Variants in LVRN observed in about 807,000 individuals in gnomAD.
LVRN encodes the protein laeverin, also known as aminopeptidase Q.
LVRN carries 99 observed loss-of-function variants against 111.4 expected under a neutral mutation model. The ratio of observed to expected loss-of-function variants is 0.89; its 90% CI spans 0.76 to 1.05. LVRN has a LOEUF of 1.05. Among genes scored for constraint, LVRN ranks in the 50% least tolerant of loss-of-function variants. LVRN has a pLI of 0.00. For synonymous variants in LVRN, 488 were observed against 449.5 expected (o/e 1.09, Z -1.08); for missense variants, 1,414 against 1,206.8 (o/e 1.17, Z -2.54).
At chr5:116,004,098 T>C (rs573593870) in intron 12 of LVRN, among the ~76,000 whole-genome samples, 1 of 152,344 alleles carries the variant, frequency 6.6e-6, no homozygotes, top group Non-Finnish European at 1.5e-5. Flanking sequence ...TTAAAATTTC[T>C]AAACTCATAA....
Position 116,001,106 on chromosome 5 carries a change from A to G in LVRN, c.1687A>G (p.Ile563Val). 6.2e-7 allele frequency: 1 copy of G among 1,611,682 alleles called. No individual in the cohort carries two copies. Among genetic ancestry groups the G allele is most frequent in the Non-Finnish European group, 8.5e-7 (1 of 1,179,390 alleles). Residue 563 changes from isoleucine to valine, a missense_variant, in exon 10 of 20, where the codon ATA (isoleucine) becomes GTA (valine). By Grantham distance (29) the Ile-to-Val change is conservative. Transcript: ENST00000357872. ...DQSTVILPAT[I>V]KNIMDSWTHQ... Reference sequence around the variant, plus strand: ...GAGTACAGTTATTTTGCCAGCAACAATAAAAAACATAATGGACAGTTGGAC... The same window carrying G: ...GAGTACAGTTATTTTGCCAGCAACAGTAAAAAACATAATGGACAGTTGGAC...
At chr5:116,011,044 C>CT in intron 14 of LVRN, 150 bp downstream of exon 14, 1 of 173,298 alleles carries the variant, frequency 5.8e-6, no homozygotes, top group Non-Finnish European at 9.9e-6. Flanking sequence ...TATACATTTC[C>CT]TTAACAAGGG....
chr5:115,983,520 A>T, intron 2 of LVRN, 91 bp downstream of exon 2: 1 of 1,373,540 alleles, frequency 7.3e-7, no homozygotes, highest in Non-Finnish European at 9.7e-7. Context: ...GCAGTGTATT[A>T]TGGTGTATTA....
intron 1 of LVRN, among the ~76,000 whole-genome samples, chr5:115,967,178 C>T (rs1244580749): frequency 6.6e-6 from 1 of 152,114 alleles, no homozygotes; most frequent in East Asian, 1.9e-4. Flanking sequence ...TCCAATTTGT[C>T]TATTTTTTAA....
intron 6 of LVRN, among the ~76,000 whole-genome samples, chr5:115,997,213 G>C (rs1382022664): frequency 6.6e-6 from 1 of 152,164 alleles, no homozygotes. Flanking sequence ...GAGTTTCAGA[G>C]AGATAAAGTT....
At chr5:116,003,404 A>C (rs1377574299) in intron 12 of LVRN, 24 bp downstream of exon 12, 2 of 1,298,716 alleles carry the variant, frequency 1.5e-6, no homozygotes, top group Non-Finnish European at 1.0e-6. Context: ...TGATACTTTT[A>C]ATTAAATATA....
rs925038071 is a variant in LVRN at position 115,963,319 on chromosome 5, G to C, written c.695+7G>C. Reference sequence around the variant, plus strand: ...CCGACCAGGGCGAGCGCAGGTAAGGGCTGTACAGCCCGGGGCCCCTCTCGG... The same window carrying C: ...CCGACCAGGGCGAGCGCAGGTAAGGCCTGTACAGCCCGGGGCCCCTCTCGG... On this transcript the variant is annotated splice_region_variant and intron_variant, in intron 1 of 19. Coordinates refer to ENST00000357872, the MANE Select transcript of LVRN (RefSeq NM_173800.5). 1.3e-6 allele frequency: 2 copies of C among 1,591,202 alleles called. No individual in the cohort carries two copies. The highest frequency in any genetic ancestry group is 1.7e-5 in the Admixed American group (1 of 58,128).
intron 1 of LVRN, among the ~76,000 whole-genome samples, chr5:115,982,888 C>T (rs1747742973): frequency 6.6e-6 from 1 of 152,074 alleles, no homozygotes; most frequent in African/African-American, 2.4e-5. Flanking sequence ...ACATTCTTCC[C>T]CTGACTTTTA....
At chr5:116,011,957 T>G (rs879914418) in intron 14 of LVRN, among the ~76,000 whole-genome samples, 1 of 152,102 alleles carries the variant, frequency 6.6e-6, no homozygotes, top group Non-Finnish European at 1.5e-5. Flanking sequence ...TTTTGAGGAA[T>G]GTATACTTAG....
rs930162490 is a variant in LVRN, at chr5:116,026,682, G to A, written c.*564G>A. 6.3e-6 allele frequency: 1 copy of A among 159,194 alleles called. No individual in the cohort carries two copies. The highest frequency in any genetic ancestry group is 2.4e-5 in the African/African-American group (1 of 41,504). The allele number at this position is 159,194 out of a possible 1,614,324, so 9.9% of individuals were successfully genotyped here. A position where few individuals can be genotyped will look rare whatever the true frequency, so the allele number is the denominator to read the frequency against. ...ATTTAACGAGCCCTAAAGGCAAGAA[G>A]TGTGTCTTCTCCTGCCCATTTCTCT... On this transcript the variant is annotated 3_prime_UTR_variant, in exon 20 of 20. Transcript: ENST00000357872.
At chr5:115,980,609 C>T (rs1753541682) in intron 1 of LVRN, among the ~76,000 whole-genome samples, 1 of 152,026 alleles carries the variant, frequency 6.6e-6, no homozygotes, top group Non-Finnish European at 1.5e-5. Context: ...TTCCCACTTC[C>T]TTAAGGAGTA....
chr5:116,025,657 C>T (rs1748847682), intron 19 of LVRN, among the ~76,000 whole-genome samples: 1 of 152,198 alleles, frequency 6.6e-6, no homozygotes, highest in Non-Finnish European at 1.5e-5. Flanking sequence ...CACTGTATCT[C>T]TGTCTGCAAA....
At chr5:116,023,814 A>T (rs1299597808) in intron 19 of LVRN, among the ~76,000 whole-genome samples, 2 of 152,238 alleles carry the variant, frequency 1.3e-5, no homozygotes, top group Non-Finnish European at 2.9e-5. Flanking sequence ...GAACTCTTTT[A>T]TCCTACTGGG....
chr5:115,995,710 C>T (rs1748093260), intron 6 of LVRN: 1 of 152,232 alleles, frequency 6.6e-6, no homozygotes, highest in African/African-American at 2.4e-5. Context: ...GAGCACTACA[C>T]ATACATCATC....
rs2112614270 is a variant in LVRN, at chr5:116,005,908, G to A, written c.2038-4G>A. On this transcript the variant is annotated splice_region_variant and splice_polypyrimidine_tract_variant and intron_variant, in intron 12 of 19. Coordinates refer to ENST00000357872, the MANE Select transcript of LVRN (RefSeq NM_173800.5). ...TCTGGGCATATTTGGGTCTAATTCT[G>A]CAGGCGATTCCTGTTATTCACAGAC... is the stretch of plus-strand genomic sequence containing the variant. 1 of 1,594,304 alleles carries A rather than the reference G, an allele frequency of 6.3e-7. No homozygotes were observed. Among genetic ancestry groups the A allele is most frequent in the Non-Finnish European group, 8.6e-7 (1 of 1,162,118 alleles).
At chr5:116,021,786 C>T (rs1456058024) in intron 18 of LVRN, 5 of 420,976 alleles carry the variant, frequency 1.2e-5, no homozygotes, top group Non-Finnish European at 2.3e-5. Flanking sequence ...AGCAATACTT[C>T]ACAGCTATTT....
chr5:116,025,535 C>T (rs938927258), intron 19 of LVRN, among the ~76,000 whole-genome samples: 4 of 152,152 alleles, frequency 2.6e-5, no homozygotes, highest in African/African-American at 9.7e-5. Flanking sequence ...AATTCATTAT[C>T]TAAGTATTCT....
chr5:116,005,626 CTGTTT>C (rs1159319009), intron 12 of LVRN, among the ~76,000 whole-genome samples: 1 of 152,172 alleles, frequency 6.6e-6, no homozygotes, highest in African/African-American at 2.4e-5. Flanking sequence ...ATTTGGTTGC[CTGTTT>C]TATTTTTTAA....
chr5:115,987,608 A>G (rs1747894453), intron 3 of LVRN, among the ~76,000 whole-genome samples: 1 of 152,070 alleles, frequency 6.6e-6, no homozygotes, highest in Admixed American at 6.6e-5. Context: ...GAAATAACAC[A>G]CTTTCGGGGG....
Sources: allele counts gnomAD v4.1 joint callset (sites outside exome capture counted in the v4.1 genomes callset), GRCh38; gene constraint gnomAD v4.1.1; transcripts MANE v1.5; gene names NCBI Gene and HGNC (gene_info 2026-07-23, HGNC 2026-07-21).